R3HDM1: variants seen among roughly 807,000 people sequenced by gnomAD.
The protein encoded by R3HDM1 is R3H domain-containing protein 1.
R3HDM1 carries 46 observed loss-of-function variants against 141.1 expected under a neutral mutation model. The observed-to-expected ratio is 0.33, with a 90% CI of 0.26 to 0.42. The LOEUF is 0.42. Ranked by LOEUF, R3HDM1 falls within the 10% of genes least tolerant of loss-of-function variation. The probability of loss-of-function intolerance (pLI) is 1.00; values close to 1 mark genes in which losing one functional copy is unlikely to be tolerated. For synonymous variants in R3HDM1, 435 were observed against 472.9 expected, an observed-to-expected ratio of 0.92 and a Z score of 1.04; for missense variants, 1,184 against 1,368.3, an observed-to-expected ratio of 0.87 and a Z score of 2.12.
At position 135,712,526 on chromosome 2, in the gene R3HDM1, C is replaced by G. The variant is rs549847931; in HGVS notation, c.2736+2295C>G. Among the ~76,000 whole-genome samples, 55 of 151,452 alleles carry G rather than the reference C, an allele frequency of 3.6e-4. 1 individual carries two copies. Among genetic ancestry groups the G allele is most frequent in the Non-Finnish European group, 6.6e-4 (45 of 67,954 alleles). ...AGCTCAAGCGGTCCACCTGGCTCAG[C>G]CTCCCAAAGTGCTGGGATCATAGGC... is the stretch of plus-strand genomic sequence containing the variant. On this transcript the variant is annotated intron_variant, in intron 23 of 26. Transcript: ENST00000683871.
At chr2:135,535,590 T>C (rs906875099) in intron 1 of R3HDM1, among the ~76,000 whole-genome samples, 2 of 152,078 alleles carry the variant, frequency 1.3e-5, no homozygotes, top group Non-Finnish European at 2.9e-5. Flanking sequence ...TTTCTCAGTA[T>C]AATTGTAAAC....
At chr2:135,622,775 C>A in intron 7 of R3HDM1, 43 bp downstream of exon 7, 1 of 1,495,038 alleles carries the variant, frequency 6.7e-7, no homozygotes, top group Non-Finnish European at 9.0e-7. Flanking sequence ...TCTAGAGTAC[C>A]ATAATTTTGC....
At chr2:135,675,294 G>T (rs181539949) in intron 19 of R3HDM1, 38 bp from the exon 20 acceptor site, 13 of 1,542,240 alleles carry the variant, frequency 8.4e-6, no homozygotes, top group African/African-American at 1.4e-5. Context: ...TAGATGAAAT[G>T]AATTCAGAGC....
At chr2:135,587,025 A>G in intron 1 of R3HDM1, 1 of 971,772 alleles carries the variant, frequency 1.0e-6, no homozygotes, top group Non-Finnish European at 1.2e-6. Flanking sequence ...GAAGAGGTAG[A>G]ATAATTTTTA....
intron 18 of R3HDM1, among the ~76,000 whole-genome samples, chr2:135,652,915 T>G (rs1036495363): frequency 1.3e-5 from 2 of 152,236 alleles, no homozygotes; most frequent in African/African-American, 4.8e-5. Flanking sequence ...AAAATTGTTC[T>G]TAATATCCCC....
chr2:135,564,316 C>A (rs1442808423), intron 1 of R3HDM1, among the ~76,000 whole-genome samples: 1 of 151,954 alleles, frequency 6.6e-6, no homozygotes, highest in African/African-American at 2.4e-5. Flanking sequence ...GAAAAATTTC[C>A]TTTTTTTGTT....
intron 21 of R3HDM1, among the ~76,000 whole-genome samples, chr2:135,687,244 T>C (rs772901880): frequency 2.7e-4 from 41 of 152,228 alleles, no homozygotes; most frequent in Non-Finnish European, 5.3e-4. Context: ...GAGAGTAGAA[T>C]GGTCATTGCC....
intron 3 of R3HDM1, among the ~76,000 whole-genome samples, chr2:135,611,779 A>T (rs1357856512): frequency 6.6e-6 from 1 of 152,138 alleles, no homozygotes; most frequent in East Asian, 1.9e-4. Context: ...GGTCATATGC[A>T]CATATGGTAG....
intron 4 of R3HDM1, 71 bp from the exon 5 acceptor site, chr2:135,616,597 C>T: frequency 7.8e-7 from 1 of 1,274,632 alleles, no homozygotes; most frequent in Non-Finnish European, 1.1e-6. Flanking sequence ...CTTAGAAACT[C>T]TTTCTAGGGG....
At chr2:135,699,011 A>ATAGG in intron 21 of R3HDM1, among the ~76,000 whole-genome samples, 1 of 114,896 alleles carries the variant, frequency 8.7e-6, no homozygotes, top group South Asian at 2.5e-4. Flanking sequence ...AGATAGATAG[A>ATAGG]TAGATAGATA....
At chr2:135,621,997 G>T in intron 6 of R3HDM1, 1 of 983,610 alleles carries the variant, frequency 1.0e-6, no homozygotes, top group Middle Eastern at 5.2e-4. Flanking sequence ...GAAACAGAGT[G>T]TTTATTTTTT....
intron 1 of R3HDM1, among the ~76,000 whole-genome samples, chr2:135,533,055 C>T (rs1466282150): frequency 1.3e-5 from 2 of 152,188 alleles, no homozygotes; most frequent in African/African-American, 4.8e-5. Context: ...ACTATGGTGG[C>T]TTAATGATCT....
At chr2:135,577,251 GA>G (rs926293354) in intron 1 of R3HDM1, 11 of 972,274 alleles carry the variant, frequency 1.1e-5, no homozygotes, top group African/African-American at 1.1e-4. Flanking sequence ...AAACCGACAT[GA>G]AAAAAAGTCA....
chr2:135,694,258 C>A (rs1006738785), intron 21 of R3HDM1, among the ~76,000 whole-genome samples: 2 of 152,160 alleles, frequency 1.3e-5, no homozygotes, highest in Admixed American at 6.5e-5. Flanking sequence ...AACAAGCAGT[C>A]CCCTGAGATA....
chr2:135,643,340 T>A (rs2064005716), intron 15 of R3HDM1, among the ~76,000 whole-genome samples: 1 of 152,006 alleles, frequency 6.6e-6, no homozygotes, highest in Admixed American at 6.6e-5. Context: ...TACTTTAGAG[T>A]ACTTTTTCTG....
chr2:135,654,469 G>GT (rs59946169), intron 18 of R3HDM1, among the ~76,000 whole-genome samples: 11 of 150,598 alleles, frequency 7.3e-5, no homozygotes, highest in African/African-American at 1.7e-4. Context: ...TGTTGTTGTT[G>GT]AGACAGAGTC....
intron 1 of R3HDM1, among the ~76,000 whole-genome samples, chr2:135,579,853 A>G (rs1391653550): frequency 6.6e-6 from 1 of 152,206 alleles, no homozygotes; most frequent in Non-Finnish European, 1.5e-5. Context: ...TAATTGTACT[A>G]TAATTTTGTA....
intron 21 of R3HDM1, among the ~76,000 whole-genome samples, chr2:135,706,290 T>C (rs966318967): frequency 6.6e-5 from 10 of 152,172 alleles, no homozygotes; most frequent in Admixed American, 1.3e-4. Context: ...TTGGTAATAA[T>C]TTTTATTGCA....
At chr2:135,639,863 G>A (rs4954274) in intron 14 of R3HDM1, among the ~76,000 whole-genome samples, 25,034 of 152,130 alleles carry the variant, frequency 0.16, 2,736 homozygotes, top group South Asian at 0.32. Flanking sequence ...TTGGGATGCC[G>A]AGGCAGGCAG....
Sources: allele counts gnomAD v4.1 joint callset (sites outside exome capture counted in the v4.1 genomes callset), GRCh38; gene constraint gnomAD v4.1.1; transcripts MANE v1.5; gene names NCBI Gene and HGNC (gene_info 2026-07-23, HGNC 2026-07-21).